The following CEP112 variants were observed in gnomAD, a reference collection of about 807,000 sequenced individuals.
CEP112 encodes centrosomal protein of 112 kDa.
In CEP112, 127 loss-of-function variants were observed where a neutral mutation model predicts 153.0. The ratio of observed to expected loss-of-function variants is 0.83; its 90% CI spans 0.72 to 0.96. The LOEUF (loss-of-function observed/expected upper bound fraction) is 0.96. Ranked by LOEUF, CEP112 falls within the 40% of genes least tolerant of loss-of-function variation. The pLI, the probability that CEP112 is intolerant of heterozygous loss-of-function variation, is 0.00. For missense variants in CEP112, 1,089 were observed against 1,101.2 expected, an observed-to-expected ratio of 0.99 and a Z score of 0.16; for synonymous variants, 358 against 374.4, an observed-to-expected ratio of 0.96 and a Z score of 0.51.
intron 24 of CEP112, among the ~76,000 whole-genome samples, chr17:65,643,243 C>G (rs1421384489): frequency 6.6e-6 from 1 of 152,204 alleles, no homozygotes; most frequent in African/African-American, 2.4e-5. Flanking sequence ...TGAGCATAGG[C>G]ATTGCTCAAG....
chr17:65,895,800 C>T (rs1395686837), intron 20 of CEP112, among the ~76,000 whole-genome samples: 1 of 152,080 alleles, frequency 6.6e-6, no homozygotes, highest in Non-Finnish European at 1.5e-5. Context: ...ATTACTTTAT[C>T]TGACTATCCT....
chr17:66,015,072 C>G (rs1461230542), intron 16 of CEP112, among the ~76,000 whole-genome samples: 2 of 152,136 alleles, frequency 1.3e-5, no homozygotes, highest in Non-Finnish European at 2.9e-5. Flanking sequence ...ACTAATGATG[C>G]CATAAATATT....
intron 19 of CEP112, among the ~76,000 whole-genome samples, chr17:65,914,955 A>G (rs28544970): frequency 0.17 from 26,470 of 152,170 alleles, 2,484 homozygotes; most frequent in Admixed American, 0.28. Flanking sequence ...GCCATGCAGC[A>G]GTCAGTTCTC....
intron 24 of CEP112, among the ~76,000 whole-genome samples, chr17:65,681,601 A>T (rs574948947): frequency 6.6e-6 from 1 of 151,360 alleles, no homozygotes; most frequent in Non-Finnish European, 1.5e-5. Flanking sequence ...TCAATTTAAA[A>T]AGGCATTATT....
At chr17:66,152,270 A>G (rs2071243241) in intron 4 of CEP112, among the ~76,000 whole-genome samples, 1 of 152,196 alleles carries the variant, frequency 6.6e-6, no homozygotes, top group African/African-American at 2.4e-5. Context: ...CGGAAATGAG[A>G]AGAAGGGGGA....
chr17:65,997,841 C>A (rs2145342571), intron 17 of CEP112, among the ~76,000 whole-genome samples: 1 of 151,592 alleles, frequency 6.6e-6, no homozygotes, highest in East Asian at 1.9e-4. Context: ...ACTCTTGTAT[C>A]AAAGTTAAAA....
intron 20 of CEP112, among the ~76,000 whole-genome samples, chr17:65,889,889 C>A (rs990901924): frequency 4.6e-5 from 7 of 152,088 alleles, no homozygotes; most frequent in African/African-American, 1.7e-4. Context: ...GTCACCCAGG[C>A]TCCAGTCTCA....
chr17:65,841,901 CACACAT>C (rs1287718142), intron 21 of CEP112, among the ~76,000 whole-genome samples: 25 of 129,082 alleles, frequency 1.9e-4, no homozygotes, highest in Admixed American at 1.2e-3. Flanking sequence ...TGTGTGTGTA[CACACAT>C]ACACACACAC....
At chr17:65,721,201 G>A (rs1360194724) in intron 23 of CEP112, among the ~76,000 whole-genome samples, 2 of 151,888 alleles carry the variant, frequency 1.3e-5, no homozygotes, top group African/African-American at 2.4e-5. Flanking sequence ...TAGTAGAGAC[G>A]GGGTCTCACC....
intron 24 of CEP112, among the ~76,000 whole-genome samples, chr17:65,683,527 C>T (rs188422045): frequency 1.6e-4 from 25 of 152,274 alleles, no homozygotes; most frequent in Non-Finnish European, 2.6e-4. Context: ...TGATTCCTGC[C>T]GAACAGCTTT....
chr17:65,959,870 G>A (rs1254489957), intron 18 of CEP112, among the ~76,000 whole-genome samples: 1 of 152,200 alleles, frequency 6.6e-6, no homozygotes, highest in African/African-American at 2.4e-5. Flanking sequence ...GCAGGTGTTG[G>A]ATACAGGCAG....
intron 21 of CEP112, among the ~76,000 whole-genome samples, chr17:65,830,888 T>A (rs1054076473): frequency 3.3e-5 from 5 of 152,176 alleles, no homozygotes; most frequent in Admixed American, 6.5e-5. Flanking sequence ...AGTGATTTTG[T>A]TTCAGAGAAG....
intron 16 of CEP112, among the ~76,000 whole-genome samples, chr17:66,015,977 T>C (rs1207859908): frequency 6.6e-6 from 1 of 152,228 alleles, no homozygotes; most frequent in East Asian, 1.9e-4. Context: ...CTTGCCTTCA[T>C]ATCGCTGATT....
At chr17:65,789,126 T>C (rs187590652) in intron 21 of CEP112, among the ~76,000 whole-genome samples, 1 of 152,208 alleles carries the variant, frequency 6.6e-6, no homozygotes. Flanking sequence ...CTCAACTAAC[T>C]GAACTCGATC....
At chr17:66,105,729 G>A (rs763460785) in intron 6 of CEP112, among the ~76,000 whole-genome samples, 2 of 152,094 alleles carry the variant, frequency 1.3e-5, no homozygotes, top group African/African-American at 2.4e-5. Flanking sequence ...AGGAGTCAGA[G>A]GTTGCAGTAG....
chr17:65,716,642 T>C (rs1163430829), intron 23 of CEP112, among the ~76,000 whole-genome samples: 1 of 152,168 alleles, frequency 6.6e-6, no homozygotes, highest in Non-Finnish European at 1.5e-5. Flanking sequence ...GTGAGACTCA[T>C]CCACCATTTA....
chr17:65,755,368 C>T (rs2052191592), intron 21 of CEP112, among the ~76,000 whole-genome samples: 1 of 152,142 alleles, frequency 6.6e-6, no homozygotes, highest in Non-Finnish European at 1.5e-5. Flanking sequence ...ATAAGAACAG[C>T]ACCAAGGGGG....
chr17:65,838,384 A>T (rs2057399981), intron 21 of CEP112, among the ~76,000 whole-genome samples: 1 of 152,222 alleles, frequency 6.6e-6, no homozygotes, highest in South Asian at 2.1e-4. Flanking sequence ...GATATTAAAC[A>T]GCAGACCCCT....
At chr17:66,023,746 C>G (rs2065089606) in intron 16 of CEP112, among the ~76,000 whole-genome samples, 2 of 151,792 alleles carry the variant, frequency 1.3e-5, no homozygotes, top group African/African-American at 4.8e-5. Context: ...ATTTAGAAAA[C>G]AACTAGATAA....
Sources: gnomAD v4.1 joint callset for allele counts (sites outside exome capture counted in the v4.1 genomes callset) on GRCh38, gnomAD v4.1.1 for gene constraint, MANE v1.5 for transcripts, NCBI Gene and HGNC (gene_info 2026-07-23, HGNC 2026-07-21) for gene names.